The following WDR72 variants were observed in gnomAD, a reference collection of about 807,000 sequenced individuals.
The protein encoded by WDR72 is WD repeat domain 72, also known as WD repeat-containing protein 72.
Under a neutral mutation model 124.2 loss-of-function variants are expected in WDR72, and 120 were observed. That is an observed-to-expected ratio of 0.97 (90% CI 0.83 to 1.12). The LOEUF (loss-of-function observed/expected upper bound fraction) is 1.12. Ranked by LOEUF, WDR72 falls within the 50% of genes most tolerant of loss-of-function variation. WDR72 has a pLI of 0.00. For missense variants in WDR72, 1,387 were observed against 1,278.8 expected (o/e 1.08, Z -1.29); for synonymous variants, 452 against 441.7 (o/e 1.02, Z -0.29).
chr15:53,691,284 C>T (rs2016831757), intron 13 of WDR72, among the ~76,000 whole-genome samples: 1 of 152,176 alleles, frequency 6.6e-6, no homozygotes. Context: ...CTCCTGGACT[C>T]AAGTGATCCT....
intron 17 of WDR72, among the ~76,000 whole-genome samples, chr15:53,603,111 C>T (rs1365857136): frequency 1.3e-5 from 2 of 151,874 alleles, no homozygotes; most frequent in African/African-American, 4.8e-5. Context: ...AAACCAAATC[C>T]AGCAGCATAT....
intron 18 of WDR72, among the ~76,000 whole-genome samples, chr15:53,574,434 A>G (rs1894676929): frequency 1.3e-5 from 2 of 152,212 alleles, no homozygotes; most frequent in Admixed American, 1.3e-4. Context: ...TGAATATAAT[A>G]GATAAAATAT....
chr15:53,640,011 T>A (rs192899167), intron 14 of WDR72, among the ~76,000 whole-genome samples: 2 of 152,188 alleles, frequency 1.3e-5, no homozygotes. Flanking sequence ...TAGTAACTAT[T>A]CAATGCTGAA....
chr15:53,565,404 T>C (rs1894260139), intron 18 of WDR72, among the ~76,000 whole-genome samples: 1 of 151,904 alleles, frequency 6.6e-6, no homozygotes, highest in African/African-American at 2.4e-5. Context: ...CACCCATTTC[T>C]TTTTTGGAAG....
Position 53,689,682 on chromosome 15 carries a change from G to T in WDR72, c.1765+10068C>A, listed in dbSNP as rs568821507. ...GCGATTCCTCAGGGATCTAGAACTA[G>T]AAATACCATTTGACCCAGCCATCCC... On this transcript the variant is annotated intron_variant, in intron 13 of 19. Transcript: ENST00000360509. Among the ~76,000 whole-genome samples the T allele has an allele frequency of 2.3e-3, 345 of 148,368 alleles. 4 individuals are homozygous for T. The highest frequency in any genetic ancestry group is 8.5e-3 in the African/African-American group (337 of 39,816).
At chr15:53,759,118 C>CTT (rs1952717729) in intron 1 of WDR72, among the ~76,000 whole-genome samples, 2 of 152,130 alleles carry the variant, frequency 1.3e-5, no homozygotes, top group African/African-American at 4.8e-5. Flanking sequence ...CACACCCCAG[C>CTT]AGGCTTAGGC....
chr15:53,517,876 A>AGAAT lies in WDR72; in HGVS notation c.3254-126_3254-123dup. ...ATAGATACAGAAAGGAAGAAGGGAGAGAATGAGGAAAAAAAGAAAGAAAGG... is the reference window on the plus strand; with the variant it reads ...ATAGATACAGAAAGGAAGAAGGGAGAGAATGAATGAGGAAAAAAAGAAAGAAAGG... On this transcript the variant is annotated intron_variant, in intron 19 of 19. Coordinates refer to ENST00000360509, the MANE Select transcript of WDR72 (RefSeq NM_182758.4). 3 of 905,332 alleles carry AGAAT rather than the reference A, an allele frequency of 3.3e-6. No individual in the cohort carries two copies. In the South Asian group the frequency reaches 4.3e-5, roughly 13 times the overall value. 56.1% of individuals were successfully genotyped at this position (905,332 alleles called of 1,614,324 possible).
At chr15:53,700,041 G>C (rs1221894267) in intron 12 of WDR72, 96 bp from the exon 13 acceptor site, 1 of 1,399,052 alleles carries the variant, frequency 7.1e-7, no homozygotes, top group Non-Finnish European at 1.0e-6. Context: ...AAAAAGTTTT[G>C]TTAAAGCCCC....
chr15:53,585,826 A>G (rs1257041909), intron 18 of WDR72, among the ~76,000 whole-genome samples: 4 of 151,964 alleles, frequency 2.6e-5, no homozygotes, highest in African/African-American at 9.7e-5. Context: ...GGCACTAACA[A>G]CTGGAAGCTG....
intron 1 of WDR72, among the ~76,000 whole-genome samples, chr15:53,739,526 G>A (rs2018450542): frequency 6.6e-6 from 1 of 152,172 alleles, no homozygotes; most frequent in Non-Finnish European, 1.5e-5. Context: ...TAGATAGTAA[G>A]TTTCATTGAC....
intron 14 of WDR72, among the ~76,000 whole-genome samples, chr15:53,641,345 CTGTGTGTGTATT>C (rs1380060577): frequency 6.6e-6 from 1 of 151,628 alleles, no homozygotes; most frequent in Non-Finnish European, 1.5e-5. Context: ...TACTATTTTA[CTGTGTGTGTATT>C]TGTGTGTGTA....
At chr15:53,566,409 A>G (rs899966877) in intron 18 of WDR72, among the ~76,000 whole-genome samples, 1 of 152,150 alleles carries the variant, frequency 6.6e-6, no homozygotes, top group Non-Finnish European at 1.5e-5. Context: ...GAGCATAAAG[A>G]AAAGGAACAG....
chr15:53,762,470 G>C (rs116326452), upstream of WDR72, among the ~76,000 whole-genome samples: 21 of 152,324 alleles, frequency 1.4e-4, 1 homozygote, highest in Admixed American at 9.8e-4. Context: ...CACCAAGCAC[G>C]TAGGAGATAC....
intron 9 of WDR72, among the ~76,000 whole-genome samples, 186 bp downstream of exon 9, chr15:53,710,671 C>A (rs2017507516): frequency 6.6e-6 from 1 of 152,034 alleles, no homozygotes; most frequent in Non-Finnish European, 1.5e-5. Context: ...TTAAACATAG[C>A]AGATTTTTAA....
chr15:53,651,226 C>T (rs2015228687), intron 14 of WDR72, among the ~76,000 whole-genome samples: 1 of 152,126 alleles, frequency 6.6e-6, no homozygotes, highest in African/African-American at 2.4e-5. Flanking sequence ...GCGGGAGAAT[C>T]TCTGGTTCTT....
At chr15:53,678,817 T>C (rs555852815) in intron 13 of WDR72, among the ~76,000 whole-genome samples, 9 of 152,284 alleles carry the variant, frequency 5.9e-5, no homozygotes, top group South Asian at 4.1e-4. Context: ...TATACCAAAA[T>C]TGACTGAAAA....
At chr15:53,574,034 G>A (rs1254619019) in intron 18 of WDR72, among the ~76,000 whole-genome samples, 4 of 152,064 alleles carry the variant, frequency 2.6e-5, no homozygotes, top group Non-Finnish European at 5.9e-5. Flanking sequence ...AAAATGTGAC[G>A]ATCTCTTATA....
chr15:53,756,842 T>C (rs565084230), intron 1 of WDR72: 2 of 152,210 alleles, frequency 1.3e-5, no homozygotes, highest in Admixed American at 1.3e-4. Context: ...GATCCATCAG[T>C]CTATGAAAAA....
chr15:53,690,162 C>A (rs1267399460), intron 13 of WDR72, among the ~76,000 whole-genome samples: 1 of 151,456 alleles, frequency 6.6e-6, no homozygotes, highest in East Asian at 1.9e-4. Context: ...CACATGTATA[C>A]ATATGTAACT....
Sources: allele counts gnomAD v4.1 joint callset (sites outside exome capture counted in the v4.1 genomes callset), GRCh38; gene constraint gnomAD v4.1.1; transcripts MANE v1.5; gene names NCBI Gene and HGNC (gene_info 2026-07-23, HGNC 2026-07-21).